NSD1: variants seen among roughly 807,000 people sequenced by gnomAD.
The protein encoded by NSD1 is histone-lysine N-methyltransferase, H3 lysine-36 specific.
Under a neutral mutation model 242.7 loss-of-function variants are expected in NSD1, and 26 were observed. That is an observed-to-expected ratio of 0.11 (90% confidence interval 0.08 to 0.15). The LOEUF is 0.15. NSD1 is among the 10% of genes least tolerant of loss of function. The probability of loss-of-function intolerance (pLI) is 1.00; values close to 1 mark genes in which losing one functional copy is unlikely to be tolerated. For missense variants in NSD1, 2,495 were observed against 3,272.8 expected (o/e 0.76, Z 5.80); for synonymous variants, 1,106 against 1,178.1 (o/e 0.94, Z 1.25).
intron 3 of NSD1, among the ~76,000 whole-genome samples, chr5:177,196,645 T>G (rs557861688): frequency 6.6e-6 from 1 of 152,324 alleles, no homozygotes; most frequent in South Asian, 2.1e-4. Flanking sequence ...AGAAAGGACA[T>G]ATTCTTGTTC....
chr5:177,227,187 TTACTA>T (rs764183867), intron 5 of NSD1, among the ~76,000 whole-genome samples: 4 of 152,308 alleles, frequency 2.6e-5, no homozygotes, highest in East Asian at 1.9e-4. Context: ...GTCTAGGTGT[TTACTA>T]TACTGGTTTT....
chr5:177,199,515 A>G (rs1461130777), intron 3 of NSD1, among the ~76,000 whole-genome samples: 1 of 152,188 alleles, frequency 6.6e-6, no homozygotes, highest in East Asian at 1.9e-4. Flanking sequence ...CCTTGGCCTC[A>G]AAAAGTGTTT....
chr5:177,202,035 G>A (rs1253375895), intron 3 of NSD1, among the ~76,000 whole-genome samples: 3 of 151,942 alleles, frequency 2.0e-5, no homozygotes, highest in East Asian at 3.9e-4. Context: ...GGGCGTGGTG[G>A]CGCATGCCTG....
chr5:177,179,878 C>G (rs959512813), intron 2 of NSD1, among the ~76,000 whole-genome samples: 1 of 151,948 alleles, frequency 6.6e-6, no homozygotes, highest in Non-Finnish European at 1.5e-5. Context: ...TACTTCTATT[C>G]TTTAGTCTAT....
rs952494719 is a variant in NSD1 at position 177,297,706 on chromosome 5, G to A, written c.*2247G>A. 2 of 232,572 alleles carry A rather than the reference G, an allele frequency of 8.6e-6. No individual in the cohort carries two copies. The highest frequency in any genetic ancestry group is 1.7e-5 in the Non-Finnish European group (2 of 117,778). The allele number at this position is 232,572 out of a possible 1,614,324, so 14.4% of individuals were successfully genotyped here. On this transcript the variant is annotated 3_prime_UTR_variant, in exon 23 of 23. Transcript: ENST00000439151. The stretch of plus-strand genomic sequence containing the variant: ...TGCAGGCCATGTAAAAATTTTCCGT[G>A]GAGAAGTTTGATTCTAAAGTAGCTT...
intron 4 of NSD1, among the ~76,000 whole-genome samples, chr5:177,207,386 C>T (rs1048368133): frequency 1.3e-5 from 2 of 151,416 alleles, no homozygotes; most frequent in Admixed American, 6.6e-5. Flanking sequence ...GGGTTCACGC[C>T]ATTCTCCTGC....
At chr5:177,254,850 G>A (rs371132716) in intron 12 of NSD1, among the ~76,000 whole-genome samples, 2 of 152,016 alleles carry the variant, frequency 1.3e-5, no homozygotes, top group Non-Finnish European at 2.9e-5. Flanking sequence ...TTTATTTTTG[G>A]TTTTTTAAAT....
chr5:177,188,498 T>C (rs550493326), intron 2 of NSD1, among the ~76,000 whole-genome samples: 1 of 148,652 alleles, frequency 6.7e-6, no homozygotes, highest in Non-Finnish European at 1.5e-5. Flanking sequence ...TCTTTACTCA[T>C]TGTACCATCA....
intron 2 of NSD1, among the ~76,000 whole-genome samples, chr5:177,191,159 AAGGTTTC>A (rs1581252692): frequency 1.3e-5 from 2 of 150,642 alleles, no homozygotes; most frequent in East Asian, 3.9e-4. Context: ...TTAGTAGAAC[AAGGTTTC>A]ACCATGTTGG....
chr5:177,161,718 T>C (rs1341839486), intron 2 of NSD1, among the ~76,000 whole-genome samples: 1 of 149,450 alleles, frequency 6.7e-6, no homozygotes, highest in East Asian at 2.0e-4. Context: ...TGAGATAGAG[T>C]CCAGCCTGGA....
At position 177,294,893 on chromosome 5, in the gene NSD1, G is replaced by T. The variant is rs199743122; in HGVS notation, c.7525G>T (p.Val2509Leu). ...GCCGAGAGCTGTTGAGAAAGGCTGTGTGTCAGATCCTCTTCAGACATCTGG... is the reference window on the plus strand; with the variant it reads ...GCCGAGAGCTGTTGAGAAAGGCTGTTTGTCAGATCCTCTTCAGACATCTGG... ...HMPRAVEKGC[V>L]SDPLQTSGKA... is the part of the protein sequence containing the mutation. Residue 2509 changes from valine to leucine, a missense_variant, in exon 23 of 23, where the codon GTG becomes TTG. Physicochemically the swap from Val to Leu is conservative, Grantham distance 32. Coordinates refer to ENST00000439151, the MANE Select transcript of NSD1 (RefSeq NM_022455.5). 1.2e-6 allele frequency: 2 copies of T among 1,613,770 alleles called. No homozygotes were observed. Among genetic ancestry groups the T allele is most frequent in the Non-Finnish European group, 1.7e-6 (2 of 1,179,944 alleles).
At position 177,172,948 on chromosome 5, in the gene NSD1, C is replaced by T. The variant is rs1489043206; in HGVS notation, c.928-18936C>T. ...CTGTACTCTAGCCTGGGTAACAGAGCGAGACCCTGTCTCAAAAAAAAAAAA... is the reference window on the plus strand; with the variant it reads ...CTGTACTCTAGCCTGGGTAACAGAGTGAGACCCTGTCTCAAAAAAAAAAAA... On this transcript the variant is annotated intron_variant, in intron 2 of 22. Transcript: ENST00000439151. Among the ~76,000 whole-genome samples, 6 of 123,066 alleles carry T rather than the reference C, an allele frequency of 4.9e-5. No individual in the cohort carries two copies. In the South Asian group the frequency reaches 7.5e-4, roughly 15 times the overall value. 80.7% of individuals were successfully genotyped at this position (123,066 alleles called of 152,430 possible).
At chr5:177,208,850 C>T (rs1763105851) in intron 4 of NSD1, among the ~76,000 whole-genome samples, 1 of 151,932 alleles carries the variant, frequency 6.6e-6, no homozygotes, top group Admixed American at 6.6e-5. Context: ...TGTCTGCCAC[C>T]ACACCTGGCT....
At chr5:177,245,695 G>A (rs1349001219) in intron 9 of NSD1, among the ~76,000 whole-genome samples, 1 of 151,206 alleles carries the variant, frequency 6.6e-6, no homozygotes, top group African/African-American at 2.4e-5. Context: ...GAGTACAGTG[G>A]CACAATCTCG....
At position 177,294,382 on chromosome 5, in the gene NSD1, C is replaced by G. The variant is rs2127280728; in HGVS notation, c.7014C>G (p.Ser2338Arg). Reference protein sequence around the residue: ...QLSDKPSPVTSPSSSPSVRSQ... With the variant: ...QLSDKPSPVTRPSSSPSVRSQ... ...GCGACAAACCCTCTCCAGTGACCAG[C>G]CCAAGCTCCTCACCCTCAGTCAGGT... The change falls in exon 23 of 23, where the codon AGC becomes AGG. Residue 2338 changes from serine (S) to arginine (R), a missense_variant. Transcript: ENST00000439151. 1 of 1,614,220 alleles carries G rather than the reference C, an allele frequency of 6.2e-7. No individual in the cohort carries two copies. Among genetic ancestry groups the G allele is most frequent in the Non-Finnish European group, 8.5e-7 (1 of 1,180,048 alleles).
chr5:177,138,813 A>G (rs1756566340), intron 2 of NSD1, among the ~76,000 whole-genome samples: 1 of 149,926 alleles, frequency 6.7e-6, no homozygotes. Context: ...TAATTTTTGT[A>G]TTTTTAGTAG....
At chr5:177,274,510 CTT>C (rs1161002479) in intron 17 of NSD1, among the ~76,000 whole-genome samples, 1 of 152,130 alleles carries the variant, frequency 6.6e-6, no homozygotes, top group Non-Finnish European at 1.5e-5. Flanking sequence ...TTACAAACCT[CTT>C]TTTATCAGAT....
intron 2 of NSD1, 75 bp downstream of exon 2, chr5:177,136,105 CAA>C: frequency 7.3e-7 from 1 of 1,374,052 alleles, no homozygotes; most frequent in Non-Finnish European, 1.0e-6. Context: ...AAACTTGTAA[CAA>C]ATTTGTTTTT....
chr5:177,238,631 G>C lies in NSD1; in HGVS notation c.4192+124G>C. On this transcript the variant is annotated intron_variant, in intron 7 of 22. Transcript: ENST00000439151. The surrounding 1 kb of genome is among the most constrained non-coding windows in gnomAD (Gnocchi z 4.6). ...ACAATAAACTACCCCCTTTTGTCCT[G>C]GGAAATACTTAAAATGATGGTTAAT... 7 of 1,073,490 alleles carry C rather than the reference G, an allele frequency of 6.5e-6. No homozygotes were observed. Among genetic ancestry groups the C allele is most frequent in the Non-Finnish European group, 9.8e-6 (7 of 712,978 alleles). The allele number at this position is 1,073,490 out of a possible 1,614,324, so 66.5% of individuals were successfully genotyped here. A position where few individuals can be genotyped will look rare whatever the true frequency, so the allele number is the denominator to read the frequency against.
Sources: allele counts gnomAD v4.1 joint callset (sites outside exome capture counted in the v4.1 genomes callset), GRCh38; gene constraint gnomAD v4.1.1; non-coding constraint Gnocchi (gnomAD v3.1); transcripts MANE v1.5; gene names NCBI Gene and HGNC (gene_info 2026-07-23, HGNC 2026-07-21).